Variants in SBF2 observed in about 807,000 individuals in gnomAD.
SBF2 encodes myotubularin-related protein 13.
A neutral mutation model predicts 225.2 loss-of-function variants in SBF2; 112 were observed. That is an observed-to-expected ratio of 0.50 (90% CI 0.43 to 0.58). The LOEUF (loss-of-function observed/expected upper bound fraction) is 0.58, where lower values mean the gene tolerates loss of function less well. SBF2 is among the 20% of genes least tolerant of loss of function. The pLI is 0.00. For synonymous variants in SBF2, 763 were observed against 773.3 expected (o/e 0.99, Z 0.22); for missense variants, 1,996 against 2,206.2 (o/e 0.90, Z 1.91).
chr11:10,166,990 A>ACACACACAC lies in SBF2; in HGVS notation c.141+26911_141+26912insGTGTGTGTG, dbSNP rs1282714502. 8.4e-4 allele frequency among the ~76,000 whole-genome samples: 122 copies of ACACACACAC among 146,068 alleles called. 1 individual carries two copies. Among genetic ancestry groups the ACACACACAC allele is most frequent in the African/African-American group, 2.7e-3 (108 of 39,506 alleles). On this transcript the variant is annotated intron_variant, in intron 2 of 39. Transcript: ENST00000256190. ...ACACACACACACACACACACACACA[A>ACACACACAC]AAAGGCTACTAATTGAAAAGTTCAG... is the stretch of plus-strand genomic sequence containing the variant.
At chr11:10,243,695 A>T (rs1959467202) in intron 1 of SBF2, among the ~76,000 whole-genome samples, 1 of 152,144 alleles carries the variant, frequency 6.6e-6, no homozygotes, top group African/African-American at 2.4e-5. Flanking sequence ...AACAAATTGG[A>T]CAACCTAAAC....
chr11:10,036,078 G>T (rs1251761310), intron 3 of SBF2, among the ~76,000 whole-genome samples: 1 of 152,154 alleles, frequency 6.6e-6, no homozygotes, highest in Non-Finnish European at 1.5e-5. Flanking sequence ...ATACTATGCA[G>T]CCATAAAAAA....
chr11:9,946,735 C>A (rs982814227), intron 16 of SBF2, among the ~76,000 whole-genome samples: 1 of 152,192 alleles, frequency 6.6e-6, no homozygotes, highest in Non-Finnish European at 1.5e-5. Context: ...CAGGCTTGAG[C>A]CACTGCACCT....
rs566683745 is a variant in SBF2, at chr11:9,964,313, A to C, written c.1601-431T>G. ...CTTATTTTTTCCCTTATTACAGAGC[A>C]TTGAAAGTATTCCATATCATTATTT... On this transcript the variant is annotated intron_variant, in intron 14 of 39. Coordinates refer to ENST00000256190, the MANE Select transcript of SBF2 (RefSeq NM_030962.4). Among the ~76,000 whole-genome samples the C allele has an allele frequency of 3.8e-3, 580 of 152,330 alleles. 4 individuals carry two copies. Among genetic ancestry groups the C allele is most frequent in the South Asian group, 5.4e-3 (26 of 4,832 alleles).
At chr11:10,271,106 G>A (rs572519539) in intron 1 of SBF2, among the ~76,000 whole-genome samples, 2 of 151,540 alleles carry the variant, frequency 1.3e-5, no homozygotes, top group South Asian at 4.2e-4. Context: ...TCAGCAGTAT[G>A]CCACTTCTTA....
chr11:10,258,313 G>T (rs1961080445), intron 1 of SBF2, among the ~76,000 whole-genome samples: 1 of 151,996 alleles, frequency 6.6e-6, no homozygotes, highest in Admixed American at 6.6e-5. Context: ...TCTCTATGTT[G>T]CCCAGACAGG....
intron 16 of SBF2, among the ~76,000 whole-genome samples, chr11:9,899,920 C>T (rs907881996): frequency 1.3e-5 from 2 of 151,542 alleles, no homozygotes; most frequent in Admixed American, 6.6e-5. Flanking sequence ...GGGGAGAGCT[C>T]TTTAAACTAT....
At chr11:10,004,629 C>G (rs7129239) in intron 6 of SBF2, among the ~76,000 whole-genome samples, 1 of 147,776 alleles carries the variant, frequency 6.8e-6, no homozygotes, top group East Asian at 2.0e-4. Context: ...CCCTCACAAC[C>G]TGCCCACAAG....
At chr11:10,112,374 A>T (rs1302143120) in intron 2 of SBF2, among the ~76,000 whole-genome samples, 2 of 152,050 alleles carry the variant, frequency 1.3e-5, no homozygotes, top group Admixed American at 1.3e-4. Flanking sequence ...GTCTCACAAG[A>T]TCTGATGGTT....
intron 2 of SBF2, among the ~76,000 whole-genome samples, chr11:10,118,032 A>T (rs1953243744): frequency 6.6e-6 from 1 of 152,194 alleles, no homozygotes; most frequent in African/African-American, 2.4e-5. Context: ...CACTGAAACA[A>T]CTGATCTTAT....
chr11:10,085,383 T>A (rs1951524975), intron 2 of SBF2, among the ~76,000 whole-genome samples: 1 of 152,168 alleles, frequency 6.6e-6, no homozygotes, highest in Non-Finnish European at 1.5e-5. Context: ...TTCTGGTAAA[T>A]GTATCAGGAC....
intron 1 of SBF2, among the ~76,000 whole-genome samples, chr11:10,226,872 A>G (rs1958587016): frequency 6.6e-6 from 1 of 152,152 alleles, no homozygotes; most frequent in Non-Finnish European, 1.5e-5. Flanking sequence ...GTCAAATGGT[A>G]TTTCTAGTTC....
chr11:10,110,548 A>G (rs1007806365), intron 2 of SBF2, among the ~76,000 whole-genome samples: 2 of 152,198 alleles, frequency 1.3e-5, no homozygotes, highest in African/African-American at 4.8e-5. Context: ...TAATGATCAC[A>G]ACAAAATTTC....
intron 29 of SBF2, among the ~76,000 whole-genome samples, chr11:9,815,205 C>T (rs151059415): frequency 1.3e-5 from 2 of 148,474 alleles, no homozygotes; most frequent in African/African-American, 5.0e-5. Context: ...TTTGGGAGGC[C>T]AGGGCGGGTG....
intron 24 of SBF2, among the ~76,000 whole-genome samples, chr11:9,844,047 A>G (rs895373830): frequency 4.6e-5 from 7 of 152,362 alleles, no homozygotes; most frequent in Non-Finnish European, 1.0e-4. Context: ...TAATATAAAT[A>G]TACATGTTTC....
chr11:9,996,550 C>T (rs529337711), intron 9 of SBF2, among the ~76,000 whole-genome samples: 42 of 152,178 alleles, frequency 2.8e-4, no homozygotes, highest in African/African-American at 9.4e-4. Flanking sequence ...CCACCACGCC[C>T]AGCTAATTTT....
chr11:9,959,321 A>G (rs1866405255), intron 16 of SBF2: 3 of 775,656 alleles, frequency 3.9e-6, no homozygotes, highest in South Asian at 2.7e-5. Context: ...CACATACTAC[A>G]GTTAAGATGG....
chr11:9,789,580 T>A (rs1386153217), intron 34 of SBF2, among the ~76,000 whole-genome samples: 1 of 152,202 alleles, frequency 6.6e-6, no homozygotes, highest in East Asian at 1.9e-4. Flanking sequence ...AAGGTCAAGT[T>A]CAATAGAGAA....
At chr11:9,960,388 T>C (rs1866486758) in intron 16 of SBF2, 3 of 152,208 alleles carry the variant, frequency 2.0e-5, no homozygotes, top group African/African-American at 7.2e-5. Context: ...GCTTTATAGA[T>C]TAGCTTTTTT....
Sources: gnomAD v4.1 joint callset for allele counts (sites outside exome capture counted in the v4.1 genomes callset) on GRCh38, gnomAD v4.1.1 for gene constraint, MANE v1.5 for transcripts, NCBI Gene and HGNC (gene_info 2026-07-23, HGNC 2026-07-21) for gene names.